The following LHX2 variants were observed in gnomAD, a reference collection of about 807,000 sequenced individuals.
LHX2 encodes LIM/homeobox protein Lhx2.
In LHX2, 6 loss-of-function variants were observed where a neutral mutation model predicts 33.0. The ratio of observed to expected loss-of-function variants is 0.18; its 90% confidence interval spans 0.10 to 0.36. LHX2 has a LOEUF of 0.36. Ranked by LOEUF, LHX2 falls within the 10% of genes least tolerant of loss-of-function variation. The pLI is 1.00. For synonymous variants in LHX2, 292 were observed against 253.1 expected, an observed-to-expected ratio of 1.15 and a Z score of -1.46; for missense variants, 442 against 586.2, an observed-to-expected ratio of 0.75 and a Z score of 2.54.
rs896821388 is a variant in LHX2 at position 124,033,157 on chromosome 9, TAAAAAGAA to T, written c.*464_*471del. On this transcript the variant is annotated 3_prime_UTR_variant, in exon 5 of 5. Coordinates refer to ENST00000373615, the MANE Select transcript of LHX2 (RefSeq NM_004789.4). ...AAAAGTTTGTTACTTTGAATAGTCCTAAAAAGAAAAAAAGAAAAAAAAAAAAGGAAAAA... is the reference window on the plus strand; with the variant it reads ...AAAAGTTTGTTACTTTGAATAGTCCTAAAAAGAAAAAAAAAAAAGGAAAAA... 4 of 146,306 alleles carry T rather than the reference TAAAAAGAA, an allele frequency of 2.7e-5. No individual in the cohort carries two copies. The highest frequency in any genetic ancestry group is 2.2e-4 in the South Asian group (1 of 4,630). 9.1% of individuals were successfully genotyped at this position (146,306 alleles called of 1,614,324 possible).
In LHX2 at chr9:124,032,364, G is replaced by GA. The variant is rs143803976; in HGVS notation, c.934-56_934-55insA. 2.0e-5 allele frequency: 29 copies of GA among 1,462,078 alleles called. No homozygotes were observed. The highest frequency in any genetic ancestry group is 2.3e-5 in the Non-Finnish European group (26 of 1,108,008). 90.6% of individuals were successfully genotyped at this position (1,462,078 alleles called of 1,614,324 possible). ...CAGCAGAGCTCTGAGTGAAGCAGTC[G>GA]GGGGGATGCTCTGCCTGCCTTCCGC... is the stretch of plus-strand genomic sequence containing the variant. On this transcript the variant is annotated intron_variant, in intron 4 of 4. Coordinates refer to ENST00000373615, the MANE Select transcript of LHX2 (RefSeq NM_004789.4). The surrounding 1 kb of genome is among the most constrained non-coding windows in gnomAD (Gnocchi z 4.1).
chr9:124,013,273 C>T (rs1408424118), intron 1 of LHX2, among the ~76,000 whole-genome samples: 4 of 152,256 alleles, frequency 2.6e-5, no homozygotes, highest in Admixed American at 6.5e-5. Context: ...CTCCCGGCCT[C>T]TGAGCGCTTC....
chr9:124,027,579 G>A (rs1828645062), intron 4 of LHX2, among the ~76,000 whole-genome samples: 1 of 152,180 alleles, frequency 6.6e-6, no homozygotes, highest in African/African-American at 2.4e-5. Flanking sequence ...AGCACTTTGG[G>A]AGGCCGAGGT....
rs1339727639 is a variant in LHX2 at position 124,032,071 on chromosome 9, C to T, written c.934-349C>T. On this transcript the variant is annotated intron_variant, in intron 4 of 4. Transcript: ENST00000373615. This position sits in a 1 kb window ranked among gnomAD's most constrained non-coding sequence, Gnocchi z 4.1. ...TCAACATTGCAAGACCCCGTCTCTA[C>T]AAAAAATAACTTAAAAAGTTAGCGG... 4 of 204,340 alleles carry T rather than the reference C, an allele frequency of 2.0e-5. No homozygotes were observed. Among genetic ancestry groups the T allele is most frequent in the Non-Finnish European group, 3.9e-5 (4 of 103,050 alleles). 12.7% of individuals were successfully genotyped at this position (204,340 alleles called of 1,614,324 possible). A position where few individuals can be genotyped will look rare whatever the true frequency, so the allele number is the denominator to read the frequency against.
chr9:124,019,060 G>A (rs1859247020), intron 3 of LHX2, among the ~76,000 whole-genome samples: 1 of 152,236 alleles, frequency 6.6e-6, no homozygotes, highest in Non-Finnish European at 1.5e-5. Context: ...CTGGGGGAAA[G>A]AAAAGGGTTG....
chr9:124,013,493 G>T (rs562054584), intron 1 of LHX2, among the ~76,000 whole-genome samples: 1 of 152,370 alleles, frequency 6.6e-6, no homozygotes, highest in South Asian at 2.1e-4. Flanking sequence ...GATCACTGGA[G>T]CTGGGGCCCA....
intron 4 of LHX2, among the ~76,000 whole-genome samples, chr9:124,028,192 C>G (rs1435494769): frequency 6.6e-6 from 1 of 152,190 alleles, no homozygotes; most frequent in East Asian, 1.9e-4. Context: ...TGAGGCAAAA[C>G]ACAACTTGCA....
Position 124,012,379 on chromosome 9 carries a change from G to A in LHX2, c.31G>A (p.Val11Met). 6.5e-7 allele frequency: 1 copy of A among 1,530,032 alleles called. No individual in the cohort carries two copies. Among genetic ancestry groups the A allele is most frequent in the Non-Finnish European group, 8.7e-7 (1 of 1,143,020 alleles). The allele number at this position is 1,530,032 out of a possible 1,614,324, so 94.8% of individuals were successfully genotyped here. A position where few individuals can be genotyped will look rare whatever the true frequency, so the allele number is the denominator to read the frequency against. The change falls in exon 1 of 5, where the codon GTG becomes ATG. Residue 11 changes from valine (V) to methionine (M), a missense_variant. Physicochemically the swap from Val to Met is conservative, Grantham distance 21. Transcript: ENST00000373615. The surrounding 1 kb of genome is among the most constrained non-coding windows in gnomAD (Gnocchi z 4.3). MLFHSLSGPE[V>M]HGVIDEMDRR... ...GTTCCACAGTCTGTCGGGCCCCGAG[G>A]TGCACGGGGTCATCGACGAGATGGA... is the stretch of plus-strand genomic sequence containing the variant.
rs1468853031 is a variant in LHX2, at chr9:124,032,064, G to C, written c.934-356G>C. 5.2e-6 allele frequency: 1 copy of C among 192,554 alleles called. No individual in the cohort carries two copies. The highest frequency in any genetic ancestry group is 1.0e-5 in the Non-Finnish European group (1 of 95,348). The allele number at this position is 192,554 out of a possible 1,614,324, so 11.9% of individuals were successfully genotyped here. Reference sequence around the variant, plus strand: ...AGCCTGGTCAACATTGCAAGACCCCGTCTCTACAAAAAATAACTTAAAAAG... The same window carrying C: ...AGCCTGGTCAACATTGCAAGACCCCCTCTCTACAAAAAATAACTTAAAAAG... On this transcript the variant is annotated intron_variant, in intron 4 of 4. Coordinates refer to ENST00000373615, the MANE Select transcript of LHX2 (RefSeq NM_004789.4). This position sits in a 1 kb window ranked among gnomAD's most constrained non-coding sequence, Gnocchi z 4.1.
Position 124,032,606 on chromosome 9 carries a change from A to G in LHX2, c.1120A>G (p.Thr374Ala). 6.2e-7 allele frequency: 1 copy of G among 1,613,984 alleles called. No homozygotes were observed. The change falls in exon 5 of 5, where the codon ACC becomes GCC. Residue 374 changes from threonine to alanine, a missense_variant. By Grantham distance (58) the Thr-to-Ala change is moderately conservative. This residue lies in a region of LHX2 where 109 missense variants were observed against 98.7 expected (regional missense o/e 1.10). Transcript: ENST00000373615. This position sits in a 1 kb window ranked among gnomAD's most constrained non-coding sequence, Gnocchi z 4.1. ...CACCCTGACAGACTTGACTAGCCCCACCCTGCCAACTGTGACGTCCGTCTT... is the reference window on the plus strand; with the variant it reads ...CACCCTGACAGACTTGACTAGCCCCGCCCTGCCAACTGTGACGTCCGTCTT... The part of the protein sequence containing the change: ...PTTLTDLTSP[T>A]LPTVTSVLTS...
At chr9:124,030,236 C>G (rs13284685) in intron 4 of LHX2, among the ~76,000 whole-genome samples, 59,407 of 152,152 alleles carry the variant, frequency 0.39, 12,011 homozygotes, top group Admixed American at 0.45. Context: ...TTTGAGGCCA[C>G]AGGCCCCTGC....
chr9:124,012,197 C>T lies in LHX2; in HGVS notation c.-152C>T. ...CCCCGCGAGCGCCCGGGGCCCGGAG[C>T]CCGGCCTGGGGGCTCAGCCGAGCTC... On this transcript the variant is annotated 5_prime_UTR_variant, in exon 1 of 5. Coordinates refer to ENST00000373615, the MANE Select transcript of LHX2 (RefSeq NM_004789.4). The surrounding 1 kb of genome is among the most constrained non-coding windows in gnomAD (Gnocchi z 4.3). 2.8e-6 allele frequency: 2 copies of T among 718,872 alleles called. No individual in the cohort carries two copies. The highest frequency in any genetic ancestry group is 3.6e-6 in the Non-Finnish European group (2 of 548,780). 44.5% of individuals were successfully genotyped at this position (718,872 alleles called of 1,614,324 possible).
intron 4 of LHX2, among the ~76,000 whole-genome samples, chr9:124,031,081 A>C (rs1436712771): frequency 1.3e-5 from 2 of 152,192 alleles, no homozygotes; most frequent in Non-Finnish European, 2.9e-5. Context: ...GCTCAGCCCC[A>C]GCTCTGCGCC....
intron 1 of LHX2, 55 bp from the exon 2 acceptor site, chr9:124,013,906 G>T (rs1436724356): frequency 1.3e-6 from 2 of 1,559,834 alleles, no homozygotes; most frequent in Non-Finnish European, 1.8e-6. Flanking sequence ...CCCGGCGGCG[G>T]AGGGGCCGCT....
At chr9:124,026,549 C>G (rs1828626047) in intron 4 of LHX2, among the ~76,000 whole-genome samples, 1 of 151,616 alleles carries the variant, frequency 6.6e-6, no homozygotes, top group Non-Finnish European at 1.5e-5. Flanking sequence ...AAACAATTGA[C>G]AAGGTGCCAA....
In LHX2 at chr9:124,015,624, A is replaced by G; in HGVS notation, c.727+99A>G. On this transcript the variant is annotated intron_variant, in intron 3 of 4. Coordinates refer to ENST00000373615, the MANE Select transcript of LHX2 (RefSeq NM_004789.4). The surrounding 1 kb of genome is among the most constrained non-coding windows in gnomAD (Gnocchi z 7.9). The stretch of plus-strand genomic sequence containing the variant: ...TTGAATCTCTGTGTGCTGGGCAAAT[A>G]GCGAGCCTTAAGCACCGGACGGCCT... 7.6e-7 allele frequency: 1 copy of G among 1,321,356 alleles called. No homozygotes were observed. The highest frequency in any genetic ancestry group is 1.0e-6 in the Non-Finnish European group (1 of 994,110). 81.9% of individuals were successfully genotyped at this position (1,321,356 alleles called of 1,614,324 possible). A position where few individuals can be genotyped will look rare whatever the true frequency, so the allele number is the denominator to read the frequency against.
intron 4 of LHX2, among the ~76,000 whole-genome samples, chr9:124,024,738 AC>A: frequency 6.6e-6 from 1 of 152,168 alleles, no homozygotes; most frequent in Non-Finnish European, 1.5e-5. Context: ...CCCTCTTTGC[AC>A]ACATTTTAAA....
At chr9:124,013,932 T>G in intron 1 of LHX2, 29 bp from the exon 2 acceptor site, 1 of 1,600,866 alleles carries the variant, frequency 6.2e-7, no homozygotes, top group Non-Finnish European at 8.5e-7. Context: ...ACGCAGGCGC[T>G]GCTGTCTTCC....
In LHX2 at chr9:124,032,868, T is replaced by C; in HGVS notation, c.*161T>C. 2 of 731,582 alleles carry C rather than the reference T, an allele frequency of 2.7e-6. No homozygotes were observed. Among genetic ancestry groups the C allele is most frequent in the Non-Finnish European group, 4.3e-6 (2 of 465,352 alleles). 45.3% of individuals were successfully genotyped at this position (731,582 alleles called of 1,614,324 possible). A position where few individuals can be genotyped will look rare whatever the true frequency, so the allele number is the denominator to read the frequency against. On this transcript the variant is annotated 3_prime_UTR_variant, in exon 5 of 5. Coordinates refer to ENST00000373615, the MANE Select transcript of LHX2 (RefSeq NM_004789.4). This position sits in a 1 kb window ranked among gnomAD's most constrained non-coding sequence, Gnocchi z 4.1. Reference sequence around the variant, plus strand: ...AAAAAAGAAGTGTGCGCCCGGCTAATGCAGCGGTGTGGACCGAGGAACAAC... The same window carrying C: ...AAAAAAGAAGTGTGCGCCCGGCTAACGCAGCGGTGTGGACCGAGGAACAAC...
Sources: allele counts gnomAD v4.1 joint callset (sites outside exome capture counted in the v4.1 genomes callset), GRCh38; gene constraint gnomAD v4.1.1; regional missense constraint gnomAD v4.1.1; non-coding constraint Gnocchi (gnomAD v3.1); transcripts MANE v1.5; gene names NCBI Gene and HGNC (gene_info 2026-07-23, HGNC 2026-07-21).